ANKRD12: variants seen among roughly 807,000 people sequenced by gnomAD.
The protein encoded by ANKRD12 is ankyrin repeat domain 12.
ANKRD12 carries 85 observed loss-of-function variants against 183.4 expected under a neutral mutation model. That is an observed-to-expected ratio of 0.46 (90% confidence interval 0.39 to 0.56). ANKRD12 has a LOEUF of 0.56. Among genes scored for constraint, ANKRD12 ranks in the 20% least tolerant of loss-of-function variants. The pLI is 0.00. For missense variants in ANKRD12, 2,405 were observed against 2,357.1 expected (o/e 1.02, Z -0.42); for synonymous variants, 914 against 800.2 (o/e 1.14, Z -2.40).
At chr18:9,208,512 T>A (rs1477608940) in intron 4 of ANKRD12, 145 bp from the exon 5 acceptor site, 13 of 506,572 alleles carry the variant, frequency 2.6e-5, no homozygotes, top group Non-Finnish European at 3.9e-5. Flanking sequence ...TAAAACCCAT[T>A]GTGCTTTTGT....
At chr18:9,163,500 TC>T (rs2031688388) in intron 1 of ANKRD12, among the ~76,000 whole-genome samples, 1 of 152,208 alleles carries the variant, frequency 6.6e-6, no homozygotes, top group African/African-American at 2.4e-5. Context: ...CTTAGGATTG[TC>T]TTGGCTATAC....
At chr18:9,173,613 T>A (rs968805557) in intron 1 of ANKRD12, among the ~76,000 whole-genome samples, 2 of 2,694 alleles carry the variant, frequency 7.4e-4, no homozygotes, top group African/African-American at 2.5e-3. Flanking sequence ...CCCGGTGGGG[T>A]GGTGGGGGGG....
At chr18:9,168,975 T>C (rs190636400) in intron 1 of ANKRD12, among the ~76,000 whole-genome samples, 12 of 152,150 alleles carry the variant, frequency 7.9e-5, no homozygotes, top group African/African-American at 2.9e-4. Context: ...GTTTCATTAT[T>C]TACCCAGTAG....
chr18:9,212,770 A>G (rs2035879839), intron 6 of ANKRD12, among the ~76,000 whole-genome samples: 1 of 151,936 alleles, frequency 6.6e-6, no homozygotes, highest in Admixed American at 6.5e-5. Flanking sequence ...GTAAAACTGG[A>G]TATTATCAAC....
At chr18:9,222,837 T>TTC (rs1425873431) in intron 8 of ANKRD12, among the ~76,000 whole-genome samples, 3 of 152,172 alleles carry the variant, frequency 2.0e-5, no homozygotes, top group African/African-American at 4.8e-5. Flanking sequence ...AGAACACACC[T>TTC]TCTGAATATA....
At chr18:9,171,122 G>T (rs1479799985) in intron 1 of ANKRD12, among the ~76,000 whole-genome samples, 1 of 152,166 alleles carries the variant, frequency 6.6e-6, no homozygotes, top group Non-Finnish European at 1.5e-5. Flanking sequence ...CCTACTGGGG[G>T]TGCCTCCCAG....
intron 10 of ANKRD12, among the ~76,000 whole-genome samples, chr18:9,274,783 GAA>G (rs1413397361): frequency 6.6e-6 from 1 of 152,216 alleles, no homozygotes; most frequent in Non-Finnish European, 1.5e-5. Context: ...CTACTGTGAA[GAA>G]AAGACTACTC....
intron 10 of ANKRD12, among the ~76,000 whole-genome samples, chr18:9,270,824 G>T (rs1033649136): frequency 6.6e-6 from 1 of 152,084 alleles, no homozygotes. Context: ...ATAAAAAAAT[G>T]ATACATCTTA....
At chr18:9,270,452 T>C (rs2039535273) in intron 10 of ANKRD12, among the ~76,000 whole-genome samples, 1 of 152,162 alleles carries the variant, frequency 6.6e-6, no homozygotes, top group African/African-American at 2.4e-5. Context: ...ATGATGAGTT[T>C]ATGTCCTCTG....
chr18:9,238,301 C>T (rs769670154), intron 8 of ANKRD12, among the ~76,000 whole-genome samples: 2 of 152,162 alleles, frequency 1.3e-5, no homozygotes, highest in Non-Finnish European at 2.9e-5. Context: ...CATACTCTCT[C>T]AAGTAAATTT....
At chr18:9,262,247 T>C (rs551953048) in intron 9 of ANKRD12, among the ~76,000 whole-genome samples, 1 of 152,352 alleles carries the variant, frequency 6.6e-6, no homozygotes, top group African/African-American at 2.4e-5. Context: ...AAATACCTGG[T>C]TGTCCTACTT....
chr18:9,226,821 T>C (rs1197427504), intron 8 of ANKRD12, among the ~76,000 whole-genome samples: 2 of 152,192 alleles, frequency 1.3e-5, no homozygotes, highest in African/African-American at 4.8e-5. Flanking sequence ...GAAATGCTCT[T>C]TTTTAAAAAA....
chr18:9,152,294 A>G (rs2078708794), intron 1 of ANKRD12, among the ~76,000 whole-genome samples: 1 of 152,254 alleles, frequency 6.6e-6, no homozygotes, highest in African/African-American at 2.4e-5. Context: ...CCTATAGGGA[A>G]AATAAAAAGA....
intron 1 of ANKRD12, among the ~76,000 whole-genome samples, chr18:9,164,574 C>T (rs1282526605): frequency 6.6e-6 from 1 of 152,166 alleles, no homozygotes; most frequent in African/African-American, 2.4e-5. Flanking sequence ...GTTTTAGCTG[C>T]ATCCCAGAGA....
intron 10 of ANKRD12, among the ~76,000 whole-genome samples, chr18:9,273,549 A>T (rs1038980698): frequency 2.0e-5 from 3 of 152,348 alleles, no homozygotes; most frequent in Non-Finnish European, 4.4e-5. Flanking sequence ...GTGAAATGAT[A>T]CGGCTACTAT....
intron 1 of ANKRD12, among the ~76,000 whole-genome samples, chr18:9,156,301 T>C (rs2030449497): frequency 6.6e-6 from 1 of 152,096 alleles, no homozygotes; most frequent in African/African-American, 2.4e-5. Flanking sequence ...AATTCTGAAA[T>C]TCATTTGGTG....
At chr18:9,235,594 A>G (rs751849103) in intron 8 of ANKRD12, 8 of 456,112 alleles carry the variant, frequency 1.8e-5, no homozygotes, top group Admixed American at 4.7e-5. Context: ...TACTCCTGCT[A>G]TGGCCTTATC....
intron 7 of ANKRD12, among the ~76,000 whole-genome samples, chr18:9,217,382 T>C (rs1490806739): frequency 6.6e-6 from 1 of 152,174 alleles, no homozygotes; most frequent in Non-Finnish European, 1.5e-5. Flanking sequence ...CTTTAAATTA[T>C]ATGATAAATA....
rs764620935 is a variant in ANKRD12, at chr18:9,281,099, C to T, written c.6162C>T (p.Asn2054=). 12 of 1,613,770 alleles carry T rather than the reference C, an allele frequency of 7.4e-6. No individual in the cohort carries two copies. Among genetic ancestry groups the T allele is most frequent in the South Asian group, 2.2e-5 (2 of 91,034 alleles). ...TTTATGTTCCCCTTGTTGATGTTAA[C>T]GACGACTTTGAATTGACTCCTATAT... ...QEFYVPLVDV[N]DDFELTPI The change falls in exon 13 of 13, where the codon AAC becomes AAT. Residue 2054 remains asparagine (N), a synonymous_variant. Transcript: ENST00000262126.
Sources: allele counts gnomAD v4.1 joint callset (sites outside exome capture counted in the v4.1 genomes callset), GRCh38; gene constraint gnomAD v4.1.1; transcripts MANE v1.5; gene names NCBI Gene and HGNC (gene_info 2026-07-23, HGNC 2026-07-21).